SPMIP2: variants seen among roughly 807,000 people sequenced by gnomAD.
SPMIP2 encodes protein SPMIP2.
the SPMIP2 span, among the ~76,000 whole-genome samples, chr4:159,081,424 C>T: frequency 6.6e-6 from 1 of 152,070 alleles, no homozygotes; most frequent in Non-Finnish European, 1.5e-5. Context: ...GTCATGGTGG[C>T]TCATGCCTGG....
At chr4:159,048,589 G>T in the SPMIP2 span, among the ~76,000 whole-genome samples, 1 of 151,900 alleles carries the variant, frequency 6.6e-6, no homozygotes, top group African/African-American at 2.4e-5. Context: ...GCAGGGGGAG[G>T]GGACGCTTTG....
the SPMIP2 span, among the ~76,000 whole-genome samples, chr4:159,027,893 T>C: frequency 6.6e-6 from 1 of 152,164 alleles, no homozygotes; most frequent in African/African-American, 2.4e-5. Context: ...TCCTAGAGAG[T>C]ATTTCCAATT....
chr4:158,963,104 C>G, the SPMIP2 span, among the ~76,000 whole-genome samples: 1 of 152,166 alleles, frequency 6.6e-6, no homozygotes, highest in African/African-American at 2.4e-5. Context: ...GCAACATAGT[C>G]TCTCATGTTT....
At chr4:159,064,447 A>G in the SPMIP2 span, 1 of 152,194 alleles carries the variant, frequency 6.6e-6, no homozygotes, top group African/African-American at 2.4e-5. Flanking sequence ...TAGGCTAGAA[A>G]AGGATTACTA....
the SPMIP2 span, among the ~76,000 whole-genome samples, chr4:158,917,712 C>T: frequency 3.6e-5 from 5 of 138,618 alleles, no homozygotes; most frequent in Non-Finnish European, 7.6e-5. Context: ...TTTAATAGCA[C>T]TATTTGACTT....
the SPMIP2 span, among the ~76,000 whole-genome samples, chr4:158,917,994 C>T: frequency 6.6e-6 from 1 of 152,156 alleles, no homozygotes; most frequent in African/African-American, 2.4e-5. Flanking sequence ...GCTGGGATTA[C>T]AGGCGTGAAC....
chr4:159,054,842 A>G, the SPMIP2 span, among the ~76,000 whole-genome samples: 3 of 148,900 alleles, frequency 2.0e-5, no homozygotes, highest in Non-Finnish European at 4.4e-5. Flanking sequence ...CCACTCACAT[A>G]GAAAATGCTT....
the SPMIP2 span, among the ~76,000 whole-genome samples, chr4:158,962,003 A>G: frequency 6.6e-6 from 1 of 152,168 alleles, no homozygotes; most frequent in Non-Finnish European, 1.5e-5. Context: ...AGAACCTTTT[A>G]CACTTATTTT....
At chr4:159,077,024 C>T in the SPMIP2 span, among the ~76,000 whole-genome samples, 2 of 151,622 alleles carry the variant, frequency 1.3e-5, no homozygotes, top group East Asian at 3.9e-4. Flanking sequence ...TTAGCAGAGA[C>T]AGGATTTTGC....
At chr4:158,980,197 AG>A in the SPMIP2 span, among the ~76,000 whole-genome samples, 95,740 of 151,596 alleles carry the variant, frequency 0.63, 30,540 homozygotes, top group Middle Eastern at 0.71. Context: ...AAAAGGCAGC[AG>A]CCCCAGTCAG....
At chr4:159,010,315 C>T in the SPMIP2 span, among the ~76,000 whole-genome samples, 2 of 152,194 alleles carry the variant, frequency 1.3e-5, no homozygotes, top group Non-Finnish European at 2.9e-5. Flanking sequence ...CTTCACAGCA[C>T]GTGTTCATCC....
the SPMIP2 span, among the ~76,000 whole-genome samples, chr4:159,067,464 C>T: frequency 6.6e-6 from 1 of 152,208 alleles, no homozygotes; most frequent in Admixed American, 6.5e-5. Flanking sequence ...CTCCTCACCT[C>T]AGGTGATCCA....
At chr4:158,962,396 T>G in the SPMIP2 span, among the ~76,000 whole-genome samples, 395 of 152,318 alleles carry the variant, frequency 2.6e-3, 2 homozygotes, top group African/African-American at 8.4e-3. Context: ...ATTTTCCATC[T>G]CTATAACTAT....
the SPMIP2 span, among the ~76,000 whole-genome samples, chr4:158,921,448 TA>T: frequency 1.3e-5 from 2 of 149,782 alleles, no homozygotes; most frequent in African/African-American, 2.5e-5. Flanking sequence ...TCTCAAAATT[TA>T]AAAAAAAAAG....
the SPMIP2 span, among the ~76,000 whole-genome samples, chr4:159,032,248 C>T: frequency 5.9e-5 from 9 of 152,150 alleles, no homozygotes; most frequent in East Asian, 1.4e-3. Context: ...GCTTTAAATA[C>T]GTATACATTG....
chr4:158,915,167 T>C, the SPMIP2 span: 26 of 1,609,584 alleles, frequency 1.6e-5, no homozygotes, highest in Non-Finnish European at 2.1e-5. Context: ...CAAAACATCA[T>C]ACCTTTTCCT....
At chr4:159,076,655 T>G in the SPMIP2 span, among the ~76,000 whole-genome samples, 3 of 152,018 alleles carry the variant, frequency 2.0e-5, no homozygotes, top group Admixed American at 2.0e-4. Context: ...CTTAAACAAT[T>G]TTTTCCTTCT....
At chr4:158,939,220 C>T in the SPMIP2 span, among the ~76,000 whole-genome samples, 5 of 152,132 alleles carry the variant, frequency 3.3e-5, no homozygotes, top group Admixed American at 1.3e-4. Context: ...TTTATCTATC[C>T]AGATGGTAAA....
the SPMIP2 span, among the ~76,000 whole-genome samples, chr4:158,951,411 A>G: frequency 7.2e-3 from 1,095 of 152,344 alleles, 5 homozygotes; most frequent in Non-Finnish European, 0.012. Flanking sequence ...TTGTAACACA[A>G]TGGTAAGTAT....
Sources: gnomAD v4.1 joint callset for allele counts (sites outside exome capture counted in the v4.1 genomes callset) on GRCh38, gnomAD v4.1.1 for gene constraint, MANE v1.5 for transcripts, NCBI Gene and HGNC (gene_info 2026-07-23, HGNC 2026-07-21) for gene names.